Variants in ZMYM2 observed in about 807,000 individuals in gnomAD.
ZMYM2 encodes the protein zinc finger MYM-type protein 2.
Under a neutral mutation model 162.8 loss-of-function variants are expected in ZMYM2, and 56 were observed. The ratio of observed to expected loss-of-function variants is 0.34; its 90% CI spans 0.28 to 0.43. The LOEUF is 0.43. ZMYM2 is among the 20% of genes least tolerant of loss of function. The pLI is 1.00. For synonymous variants in ZMYM2, 510 were observed against 541.6 expected (o/e 0.94, Z 0.81); for missense variants, 1,275 against 1,621.8 (o/e 0.79, Z 3.67).
At chr13:19,891,075 C>T in the ZMYM2 span, among the ~76,000 whole-genome samples, 15 of 151,802 alleles carry the variant, frequency 9.9e-5, no homozygotes, top group Non-Finnish European at 1.5e-4. Flanking sequence ...AAAATGTTTA[C>T]GTTGAAGCCC....
Position 19,981,298 on chromosome 13 carries a change from CAAACAAAA to C in ZMYM2, c.-10-11761_-10-11754del, listed in dbSNP as rs1057358253. 1.0e-4 allele frequency among the ~76,000 whole-genome samples: 13 copies of C among 129,850 alleles called. No individual in the cohort carries two copies. The South Asian group carries it at 1.7e-3, about 17-fold the overall frequency. 85.2% of individuals were successfully genotyped at this position (129,850 alleles called of 152,430 possible). On this transcript the variant is annotated intron_variant, in intron 2 of 24. Coordinates refer to ENST00000610343, the MANE Select transcript of ZMYM2 (RefSeq NM_197968.4). Reference sequence around the variant, plus strand: ...AAAAACAGAAAAAACAAAAAACAAACAAACAAAAAAAAAAACAAAAAACAAACCCCAAA... The same window carrying C: ...AAAAACAGAAAAAACAAAAAACAAACAAAAAAACAAAAAACAAACCCCAAA...
intron 14 of ZMYM2, among the ~76,000 whole-genome samples, chr13:20,053,457 C>T (rs1955535958): frequency 6.6e-6 from 1 of 152,168 alleles, no homozygotes; most frequent in South Asian, 2.1e-4. Context: ...TCGAGACCAG[C>T]CTGGCCAACA....
At chr13:20,064,808 T>C (rs1956548776) in intron 19 of ZMYM2, among the ~76,000 whole-genome samples, 1 of 146,250 alleles carries the variant, frequency 6.8e-6, no homozygotes. Context: ...CTAGTAATAA[T>C]TTATTACTGT....
chr13:19,929,586 G>A, the ZMYM2 span, among the ~76,000 whole-genome samples: 3 of 152,128 alleles, frequency 2.0e-5, no homozygotes, highest in Admixed American at 2.0e-4. Context: ...GATTTTTCCA[G>A]TCTTGAGCCA....
the ZMYM2 span, among the ~76,000 whole-genome samples, chr13:19,924,168 A>C: frequency 6.6e-6 from 1 of 152,144 alleles, no homozygotes; most frequent in Non-Finnish European, 1.5e-5. Flanking sequence ...TCATTGAACA[A>C]CCCACATTTT....
At chr13:19,914,791 T>C in the ZMYM2 span, among the ~76,000 whole-genome samples, 1 of 152,166 alleles carries the variant, frequency 6.6e-6, no homozygotes, top group Non-Finnish European at 1.5e-5. Context: ...CTTATGGTGT[T>C]CTCTACCATC....
the ZMYM2 span, among the ~76,000 whole-genome samples, chr13:19,919,982 A>C: frequency 6.6e-6 from 1 of 151,842 alleles, no homozygotes; most frequent in East Asian, 1.9e-4. Context: ...CAAATTATTT[A>C]ATTCTTTGTA....
chr13:19,894,076 A>G, the ZMYM2 span, among the ~76,000 whole-genome samples: 1 of 151,890 alleles, frequency 6.6e-6, no homozygotes, highest in Non-Finnish European at 1.5e-5. Context: ...ACAATAAGGT[A>G]TAACCTCATG....
rs1958261233 is a variant in ZMYM2 at position 20,086,256 on chromosome 13, G to A, written c.*242G>A. 3.2e-6 allele frequency: 1 copy of A among 315,548 alleles called. No homozygotes were observed. The highest frequency in any genetic ancestry group is 5.8e-6 in the Non-Finnish European group (1 of 171,138). 19.5% of individuals were successfully genotyped at this position (315,548 alleles called of 1,614,324 possible). A position where few individuals can be genotyped will look rare whatever the true frequency, so the allele number is the denominator to read the frequency against. On this transcript the variant is annotated 3_prime_UTR_variant, in exon 25 of 25. Transcript: ENST00000610343. ...TTTTTATTATTATTTATTTGATTAG[G>A]TATGTTTGTAACTTTTTACATTACA...
At chr13:19,928,693 A>T in the ZMYM2 span, among the ~76,000 whole-genome samples, 2 of 151,848 alleles carry the variant, frequency 1.3e-5, no homozygotes, top group Admixed American at 6.6e-5. Flanking sequence ...GCTACTTGGG[A>T]GGCTGAGGCA....
chr13:19,963,261 C>T (rs890212001), intron 2 of ZMYM2, among the ~76,000 whole-genome samples: 1 of 152,142 alleles, frequency 6.6e-6, no homozygotes, highest in Non-Finnish European at 1.5e-5. Context: ...TGCTTTGACT[C>T]CCTGCGTTTT....
At chr13:19,889,004 T>C in the ZMYM2 span, among the ~76,000 whole-genome samples, 2 of 152,034 alleles carry the variant, frequency 1.3e-5, no homozygotes, top group African/African-American at 2.4e-5. Context: ...CCTTCTGTTG[T>C]TTTTATGAGG....
chr13:19,895,709 A>G, the ZMYM2 span, among the ~76,000 whole-genome samples: 1 of 151,814 alleles, frequency 6.6e-6, no homozygotes, highest in South Asian at 2.1e-4. Flanking sequence ...ACCTCTCAAT[A>G]CTATCACATT....
intron 3 of ZMYM2, among the ~76,000 whole-genome samples, chr13:19,997,927 A>G (rs1478185701): frequency 6.6e-6 from 1 of 152,108 alleles, no homozygotes; most frequent in African/African-American, 2.4e-5. Context: ...TCCTACTTAG[A>G]TAATTATTTT....
the ZMYM2 span, among the ~76,000 whole-genome samples, chr13:19,897,209 G>A: frequency 6.6e-6 from 1 of 151,962 alleles, no homozygotes; most frequent in Non-Finnish European, 1.5e-5. Context: ...AGAAATTAGA[G>A]ACAAAAAAAG....
intron 6 of ZMYM2, 35 bp downstream of exon 6, chr13:20,006,621 T>C: frequency 6.3e-7 from 1 of 1,596,464 alleles, no homozygotes; most frequent in Non-Finnish European, 8.6e-7. Context: ...GGGCATTCTT[T>C]AGAATGTTCT....
chr13:20,046,568 T>C lies in ZMYM2; in HGVS notation c.2293-4865T>C, dbSNP rs1199232466. 1.8e-3 allele frequency among the ~76,000 whole-genome samples: 95 copies of C among 54,194 alleles called. 1 individual carries two copies. The highest frequency in any genetic ancestry group is 5.8e-3 in the African/African-American group (94 of 16,108). 35.6% of individuals were successfully genotyped at this position (54,194 alleles called of 152,430 possible). On this transcript the variant is annotated intron_variant, in intron 12 of 24. Coordinates refer to ENST00000610343, the MANE Select transcript of ZMYM2 (RefSeq NM_197968.4). ...GACTTTGTCTCTAAAAAAAAAAATA[T>C]ATATATATATATATGTGTGTGTGTG...
intron 22 of ZMYM2, 56 bp downstream of exon 22, chr13:20,082,186 A>T: frequency 7.9e-7 from 1 of 1,259,064 alleles, no homozygotes; most frequent in Non-Finnish European, 1.1e-6. Context: ...TGTTATTTTT[A>T]CAGAGTATGT....
the ZMYM2 span, chr13:19,864,002 C>T: frequency 2.0e-5 from 3 of 152,220 alleles, no homozygotes; most frequent in Non-Finnish European, 2.9e-5. Context: ...CCGGGACCTA[C>T]ACAGCCCGGG....
Sources: allele counts gnomAD v4.1 joint callset (sites outside exome capture counted in the v4.1 genomes callset), GRCh38; gene constraint gnomAD v4.1.1; transcripts MANE v1.5; gene names NCBI Gene and HGNC (gene_info 2026-07-23, HGNC 2026-07-21).